Variants in TIMM10B observed in about 807,000 individuals in gnomAD.
TIMM10B encodes the protein translocase of inner mitochondrial membrane 10B, also known as mitochondrial import inner membrane translocase subunit Tim10 B.
Under a neutral mutation model 12.6 loss-of-function variants are expected in TIMM10B, and 17 were observed. The ratio of observed to expected loss-of-function variants is 1.35; its 90% CI spans 0.92 to 2.03. The LOEUF (loss-of-function observed/expected upper bound fraction) is 2.03, where lower values mean the gene tolerates loss of function less well. Ranked by LOEUF, TIMM10B falls within the 30% of genes most tolerant of loss-of-function variation. The pLI is 0.00. For missense variants in TIMM10B, 165 were observed against 133.3 expected (o/e 1.24, Z -1.17); for synonymous variants, 63 against 51.3 (o/e 1.23, Z -0.97).
rs993948358 is a variant in TIMM10B, at chr11:6,482,604, C to T, written c.*383C>T. The T allele has an allele frequency of 2.7e-5, 5 of 185,142 alleles. No individual in the cohort carries two copies. The allele number at this position is 185,142 out of a possible 1,614,324, so 11.5% of individuals were successfully genotyped here. The stretch of plus-strand genomic sequence containing the variant: ...ATGTCATGCTCTTAGTTCATCTTCA[C>T]AACAAAACTATGAGTAAGCGGTATT... On this transcript the variant is annotated 3_prime_UTR_variant, in exon 3 of 3. Transcript: ENST00000254616.
chr11:6,483,164 G>A lies in TIMM10B; in HGVS notation c.*943G>A, dbSNP rs889587784. ...GGAAGAGAAACTGAAGGGAGAAGTA[G>A]ATGGCAATGGTTATGATAAAAAGGG... On this transcript the variant is annotated 3_prime_UTR_variant, in exon 3 of 3. Coordinates refer to ENST00000254616, the MANE Select transcript of TIMM10B (RefSeq NM_012192.4). The A allele has an allele frequency of 1.2e-4, 19 of 152,240 alleles. No individual in the cohort carries two copies. The highest frequency in any genetic ancestry group is 2.1e-4 in the Non-Finnish European group (14 of 68,044). The allele number at this position is 152,240 out of a possible 1,614,324, so 9.4% of individuals were successfully genotyped here.
In TIMM10B at chr11:6,481,609, C is replaced by A; in HGVS notation, c.39+54C>A. On this transcript the variant is annotated intron_variant, in intron 1 of 2. Coordinates refer to ENST00000254616, the MANE Select transcript of TIMM10B (RefSeq NM_012192.4). ...CAGACGTTCAGCTCGCATTCCTGCACACATCGCGGGAACCCCACAGGGCCA... is the reference window on the plus strand; with the variant it reads ...CAGACGTTCAGCTCGCATTCCTGCAAACATCGCGGGAACCCCACAGGGCCA... 4 of 1,575,328 alleles carry A rather than the reference C, an allele frequency of 2.5e-6. No individual in the cohort carries two copies. In the South Asian group the frequency reaches 4.6e-5, roughly 18 times the overall value.
Position 6,482,343 on chromosome 11 carries a change from T to G in TIMM10B, c.*122T>G. 1.1e-6 allele frequency: 1 copy of G among 917,808 alleles called. No homozygotes were observed. The highest frequency in any genetic ancestry group is 1.6e-6 in the Non-Finnish European group (1 of 625,708). The allele number at this position is 917,808 out of a possible 1,614,324, so 56.9% of individuals were successfully genotyped here. On this transcript the variant is annotated 3_prime_UTR_variant, in exon 3 of 3. Coordinates refer to ENST00000254616, the MANE Select transcript of TIMM10B (RefSeq NM_012192.4). ...GAGGTTGCCTGAAAGCTGGGTGTCC[T>G]TGCTCCTTTTCCTGGAGCCAATATA... is the stretch of plus-strand genomic sequence containing the variant.
At chr11:6,481,697 G>A in intron 1 of TIMM10B, 60 bp from the exon 2 acceptor site, 1 of 1,608,494 alleles carries the variant, frequency 6.2e-7, no homozygotes, top group Non-Finnish European at 8.5e-7. Flanking sequence ...TGGGCGGCGC[G>A]ACCTTGACTA....
chr11:6,482,254 T>C lies in TIMM10B; in HGVS notation c.*33T>C, dbSNP rs1851825548. 5 of 1,576,100 alleles carry C rather than the reference T, an allele frequency of 3.2e-6. No individual in the cohort carries two copies. The highest frequency in any genetic ancestry group is 4.3e-6 in the Non-Finnish European group (5 of 1,159,750). On this transcript the variant is annotated 3_prime_UTR_variant, in exon 3 of 3. Coordinates refer to ENST00000254616, the MANE Select transcript of TIMM10B (RefSeq NM_012192.4). ...CAACCCCAGGAAGGAAGGCCTTGGA[T>C]GGACCCTCAGATTGAAGGACCCGGT...
Position 6,482,112 on chromosome 11 carries a change from TGCA to T in TIMM10B, c.206_208del (p.Gln69del), listed in dbSNP as rs758125609. 3.7e-5 allele frequency: 60 copies of T among 1,613,916 alleles called. 1 individual carries two copies. The South Asian group carries it at 6.4e-4, about 17-fold the overall frequency. ...AACCACCGCCTCATGGCCGCTTACG[TGCA>T]GCTCATGCCTGCCCTGGTACAGCGC... is the stretch of plus-strand genomic sequence containing the variant. On this transcript the variant is annotated inframe_deletion, in exon 3 of 3. Coordinates refer to ENST00000254616, the MANE Select transcript of TIMM10B (RefSeq NM_012192.4).
chr11:6,482,797 G>A lies in TIMM10B; in HGVS notation c.*576G>A, dbSNP rs1174087131. 4 of 152,616 alleles carry A rather than the reference G, an allele frequency of 2.6e-5. No individual in the cohort carries two copies. The highest frequency in any genetic ancestry group is 7.3e-5 in the African/African-American group (3 of 41,374). 9.5% of individuals were successfully genotyped at this position (152,616 alleles called of 1,614,324 possible). ...CATAACCGTGAGCCAAGTATTTGTT[G>A]GTTCATAACTGTTGTTTTGTGAACT... On this transcript the variant is annotated 3_prime_UTR_variant, in exon 3 of 3. Transcript: ENST00000254616.
chr11:6,481,902 A>G (rs1415673202), intron 2 of TIMM10B, 50 bp downstream of exon 2: 2 of 1,608,386 alleles, frequency 1.2e-6, no homozygotes, highest in South Asian at 2.2e-5. Context: ...TTAGCGGTAG[A>G]CTGCTTCCCT....
Position 6,481,524 on chromosome 11 carries a change from G to GGCAGCA in TIMM10B, c.18_23dup (p.Gln9_Gln10dup), listed in dbSNP as rs752954043. ...GCATGCGCCGGTGGCGTGATGGAGC[G>GGCAGCA]GCAGCAGCAGCAGCAACAGCAACTG... On this transcript the variant is annotated inframe_insertion, in exon 1 of 3. Coordinates refer to ENST00000254616, the MANE Select transcript of TIMM10B (RefSeq NM_012192.4). 8.7e-6 allele frequency: 14 copies of GGCAGCA among 1,610,380 alleles called. No individual in the cohort carries two copies. Among genetic ancestry groups the GGCAGCA allele is most frequent in the South Asian group, 1.1e-5 (1 of 90,580 alleles).
In TIMM10B at chr11:6,484,416, A is replaced by G. The variant is rs2134344596; in HGVS notation, c.*2195A>G. On this transcript the variant is annotated 3_prime_UTR_variant, in exon 3 of 3. Coordinates refer to ENST00000254616, the MANE Select transcript of TIMM10B (RefSeq NM_012192.4). ...CTATACAAAGTTTCTTATTGAGAAAAGTGGTTCCAATCATGTTTTTTGCCC... is the reference window on the plus strand; with the variant it reads ...CTATACAAAGTTTCTTATTGAGAAAGGTGGTTCCAATCATGTTTTTTGCCC... 6.6e-6 allele frequency: 1 copy of G among 152,324 alleles called. No homozygotes were observed. The allele number at this position is 152,324 out of a possible 1,614,324, so 9.4% of individuals were successfully genotyped here. A position where few individuals can be genotyped will look rare whatever the true frequency, so the allele number is the denominator to read the frequency against.
Position 6,482,156 on chromosome 11 carries a change from G to A in TIMM10B, c.247G>A (p.Glu83Lys), listed in dbSNP as rs373909655. The A allele has an allele frequency of 2.5e-6, 4 of 1,612,304 alleles. No homozygotes were observed. The highest frequency in any genetic ancestry group is 3.4e-6 in the Non-Finnish European group (4 of 1,179,988). The change falls in exon 3 of 3, where the codon GAG becomes AAG. Residue 83 changes from glutamate to lysine, a missense_variant. Transcript: ENST00000254616. ...ALVQRRIADYEAASAVPGVAA... is the reference protein window; with the variant it reads ...ALVQRRIADYKAASAVPGVAA... ...GGTACAGCGCCGCATCGCAGACTAC[G>A]AGGCTGCCTCGGCTGTGCCAGGCGT... is the stretch of plus-strand genomic sequence containing the variant.
In TIMM10B at chr11:6,482,275, C is replaced by T. The variant is rs541740845; in HGVS notation, c.*54C>T. 4.7e-4 allele frequency: 717 copies of T among 1,523,612 alleles called. No homozygotes were observed. The highest frequency in any genetic ancestry group is 6.1e-4 in the Non-Finnish European group (688 of 1,124,358). The allele number at this position is 1,523,612 out of a possible 1,614,324, so 94.4% of individuals were successfully genotyped here. On this transcript the variant is annotated 3_prime_UTR_variant, in exon 3 of 3. Transcript: ENST00000254616. Reference sequence around the variant, plus strand: ...TGGATGGACCCTCAGATTGAAGGACCCGGTGGACCTTGGGGTTGGTGAATC... The same window carrying T: ...TGGATGGACCCTCAGATTGAAGGACTCGGTGGACCTTGGGGTTGGTGAATC...
rs886574559 is a variant in TIMM10B at position 6,484,129 on chromosome 11, C to T, written c.*1908C>T. ...TTTGAGACAGAGTCTCGCTCTGTCA[C>T]CCAGGCTGGAGTGCAGTGGAGCGAT... On this transcript the variant is annotated 3_prime_UTR_variant, in exon 3 of 3. Transcript: ENST00000254616. 4.6e-5 allele frequency: 7 copies of T among 151,714 alleles called. No homozygotes were observed. Among genetic ancestry groups the T allele is most frequent in the African/African-American group, 1.5e-4 (6 of 41,240 alleles). 9.4% of individuals were successfully genotyped at this position (151,714 alleles called of 1,614,324 possible).
Position 6,482,088 on chromosome 11 carries a change from A to C in TIMM10B, c.179A>C (p.Asn60Thr). The C allele has an allele frequency of 6.2e-7, 1 of 1,613,946 alleles. No homozygotes were observed. The highest frequency in any genetic ancestry group is 8.5e-7 in the Non-Finnish European group (1 of 1,179,972). The change falls in exon 3 of 3, where the codon AAC (asparagine) becomes ACC (threonine). Residue 60 changes from asparagine (N) to threonine (T), a missense_variant. By Grantham distance (65) the Asn-to-Thr change is moderately conservative. Coordinates refer to ENST00000254616, the MANE Select transcript of TIMM10B (RefSeq NM_012192.4). ...HSCAGKLIHS[N>T]HRLMAAYVQL... The stretch of plus-strand genomic sequence containing the variant: ...TGTGCTGGGAAGCTGATCCATTCCA[A>C]CCACCGCCTCATGGCCGCTTACGTG...
chr11:6,481,860 A>AC lies in TIMM10B; in HGVS notation c.135+9dup. ...GCTCTGGACGCTGAGGAGGTGGGGA[A>AC]CTGTGTAGGGAGGTTACGCTGCAAG... is the stretch of plus-strand genomic sequence containing the variant. On this transcript the variant is annotated intron_variant, in intron 2 of 2. Transcript: ENST00000254616. 6.2e-7 allele frequency: 1 copy of AC among 1,613,588 alleles called. No homozygotes were observed. The highest frequency in any genetic ancestry group is 8.5e-7 in the Non-Finnish European group (1 of 1,180,014).
chr11:6,482,850 G>T lies in TIMM10B; in HGVS notation c.*629G>T, dbSNP rs147028452. 6.6e-6 allele frequency: 1 copy of T among 152,360 alleles called. No homozygotes were observed. Among genetic ancestry groups the T allele is most frequent in the East Asian group, 1.9e-4 (1 of 5,186 alleles). The allele number at this position is 152,360 out of a possible 1,614,324, so 9.4% of individuals were successfully genotyped here. A position where few individuals can be genotyped will look rare whatever the true frequency, so the allele number is the denominator to read the frequency against. On this transcript the variant is annotated 3_prime_UTR_variant, in exon 3 of 3. Transcript: ENST00000254616. ...GTCTTACATGTCTAGAGTTCTGCTGGATCTAGGGAAAGGAGGAGCTATCGA... is the reference window on the plus strand; with the variant it reads ...GTCTTACATGTCTAGAGTTCTGCTGTATCTAGGGAAAGGAGGAGCTATCGA...
At position 6,481,525 on chromosome 11, in the gene TIMM10B, GCAGCAGCAGCAGCAA is replaced by G. The variant is rs1564986474; in HGVS notation, c.15_29del (p.Gln6_Gln10del). On this transcript the variant is annotated inframe_deletion, in exon 1 of 3. Coordinates refer to ENST00000254616, the MANE Select transcript of TIMM10B (RefSeq NM_012192.4). Reference sequence around the variant, plus strand: ...CATGCGCCGGTGGCGTGATGGAGCGGCAGCAGCAGCAGCAACAGCAACTGCGAAACGTAAGTGAGA... The same window carrying G: ...CATGCGCCGGTGGCGTGATGGAGCGGCAGCAACTGCGAAACGTAAGTGAGA... The G allele has an allele frequency of 1.9e-6, 3 of 1,578,858 alleles. No homozygotes were observed. In the South Asian group the frequency reaches 3.4e-5, roughly 18 times the overall value.
chr11:6,483,994 A>G lies in TIMM10B; in HGVS notation c.*1773A>G, dbSNP rs989925245. The G allele has an allele frequency of 5.9e-5, 9 of 152,250 alleles. No individual in the cohort carries two copies. Among genetic ancestry groups the G allele is most frequent in the Admixed American group, 3.3e-4 (5 of 15,288 alleles). 9.4% of individuals were successfully genotyped at this position (152,250 alleles called of 1,614,324 possible). ...TTAATCTTTACAACAACTATAAGTA[A>G]GAGGTATTAACCTCACTTAACAGAT... On this transcript the variant is annotated 3_prime_UTR_variant, in exon 3 of 3. Coordinates refer to ENST00000254616, the MANE Select transcript of TIMM10B (RefSeq NM_012192.4).
In TIMM10B at chr11:6,483,841, C is replaced by T. The variant is rs1002604500; in HGVS notation, c.*1620C>T. 7 of 152,194 alleles carry T rather than the reference C, an allele frequency of 4.6e-5. No individual in the cohort carries two copies. Among genetic ancestry groups the T allele is most frequent in the South Asian group, 4.1e-4 (2 of 4,832 alleles). The allele number at this position is 152,194 out of a possible 1,614,324, so 9.4% of individuals were successfully genotyped here. A position where few individuals can be genotyped will look rare whatever the true frequency, so the allele number is the denominator to read the frequency against. On this transcript the variant is annotated 3_prime_UTR_variant, in exon 3 of 3. Coordinates refer to ENST00000254616, the MANE Select transcript of TIMM10B (RefSeq NM_012192.4). ...AATTGAAATTCTCAAGTAGCAGACC[C>T]GGTATTAAAGTGCAGATCTGACTTT...
Sources: allele counts gnomAD v4.1 joint callset, GRCh38; gene constraint gnomAD v4.1.1; transcripts MANE v1.5; gene names NCBI Gene and HGNC (gene_info 2026-07-23, HGNC 2026-07-21).